The following SORCS1 variants were observed in gnomAD, a reference collection of about 807,000 sequenced individuals.
The protein encoded by SORCS1 is sortilin related VPS10 domain containing receptor 1.
Under a neutral mutation model 146.1 loss-of-function variants are expected in SORCS1, and 60 were observed. The ratio of observed to expected loss-of-function variants is 0.41; its 90% CI spans 0.33 to 0.51. The LOEUF (loss-of-function observed/expected upper bound fraction) is 0.51, where lower values mean the gene tolerates loss of function less well. Among genes scored for constraint, SORCS1 ranks in the 20% least tolerant of loss-of-function variants. The pLI is 0.21. For missense variants in SORCS1, 1,352 were observed against 1,487.6 expected (o/e 0.91, Z 1.50); for synonymous variants, 637 against 584.0 (o/e 1.09, Z -1.31).
chr10:106,695,463 A>G (rs1200967851), intron 9 of SORCS1, among the ~76,000 whole-genome samples: 1 of 152,210 alleles, frequency 6.6e-6, no homozygotes. Flanking sequence ...AAAATGTGAC[A>G]GTCTATAGTT....
chr10:106,857,314 T>C (rs1368847407), intron 2 of SORCS1, among the ~76,000 whole-genome samples: 1 of 152,116 alleles, frequency 6.6e-6, no homozygotes, highest in Non-Finnish European at 1.5e-5. Context: ...AGACGGAAGA[T>C]GCCTTATTTC....
At chr10:107,014,533 A>T (rs1313245382) in intron 1 of SORCS1, among the ~76,000 whole-genome samples, 2 of 152,196 alleles carry the variant, frequency 1.3e-5, no homozygotes, top group Admixed American at 1.3e-4. Context: ...GTCACAGCCA[A>T]AATGGAACCG....
At position 106,615,762 on chromosome 10, in the gene SORCS1, AACGAAGAG is replaced by A. The variant is rs1436047838; in HGVS notation, c.2920+2379_2920+2386del. 8.5e-5 allele frequency among the ~76,000 whole-genome samples: 13 copies of A among 152,336 alleles called. No homozygotes were observed. The East Asian group carries it at 2.5e-3, about 29-fold the overall frequency. ...GGAGGAGAACCTTGCCAAATCTCTT[AACGAAGAG>A]ACATATGATAACCTATTTTTATAAA... On this transcript the variant is annotated intron_variant, in intron 21 of 25. Coordinates refer to ENST00000263054, the MANE Select transcript of SORCS1 (RefSeq NM_052918.5).
chr10:106,675,209 C>G, intron 13 of SORCS1, 53 bp from the exon 14 acceptor site: 5 of 1,360,102 alleles, frequency 3.7e-6, no homozygotes, highest in Non-Finnish European at 4.2e-6. Flanking sequence ...AAAAAAATGT[C>G]ATTTCAAAGG....
In SORCS1 at chr10:106,671,335, T is replaced by C; in HGVS notation, c.2091A>G (p.Ile697Met). 2 of 1,614,144 alleles carry C rather than the reference T, an allele frequency of 1.2e-6. No homozygotes were observed. The highest frequency in any genetic ancestry group is 1.7e-6 in the Non-Finnish European group (2 of 1,179,992). ...GEACIMGAKR[I>M]YKKRKSERKC... is the part of the protein sequence containing the mutation. ...TCCGCTCTGATTTTCGCTTCTTATA[T>C]ATCCTTTTTGCTCCCATGATACATG... is the stretch of plus-strand genomic sequence containing the variant. Residue 697 changes from isoleucine (I) to methionine (M), a missense_variant, in exon 16 of 26, where the codon ATA (isoleucine) becomes ATG (methionine). By Grantham distance (10) the Ile-to-Met change is conservative (BLOSUM62 1). Coordinates refer to ENST00000263054, the MANE Select transcript of SORCS1 (RefSeq NM_052918.5).
chr10:106,883,477 C>T (rs548257840), intron 2 of SORCS1, among the ~76,000 whole-genome samples: 4 of 150,736 alleles, frequency 2.7e-5, no homozygotes, highest in Admixed American at 6.6e-5. Flanking sequence ...TGCAGTGGCA[C>T]GATCTCGGCT....
intron 24 of SORCS1, among the ~76,000 whole-genome samples, chr10:106,594,477 T>A (rs905168585): frequency 1.3e-5 from 2 of 152,130 alleles, no homozygotes; most frequent in Admixed American, 6.5e-5. Context: ...TCCAAAATGA[T>A]CTGAACCATC....
chr10:107,107,113 C>T (rs1027004751), intron 1 of SORCS1, among the ~76,000 whole-genome samples: 1 of 152,188 alleles, frequency 6.6e-6, no homozygotes, highest in African/African-American at 2.4e-5. Flanking sequence ...AAACACCTAA[C>T]AATGTCCAGG....
At chr10:107,037,375 C>T (rs76610059) in intron 1 of SORCS1, among the ~76,000 whole-genome samples, 8,142 of 152,290 alleles carry the variant, frequency 0.053, 556 homozygotes, top group African/African-American at 0.16. Context: ...CAGGCTACCG[C>T]AAGCTCCTGG....
intron 2 of SORCS1, among the ~76,000 whole-genome samples, chr10:106,837,030 A>G (rs951123965): frequency 1.3e-5 from 2 of 152,226 alleles, no homozygotes; most frequent in Non-Finnish European, 1.5e-5. Flanking sequence ...TGCCCAGTGC[A>G]ATGCCAATAC....
rs148538854 is a variant in SORCS1, at chr10:106,707,074, G to A, written c.1144-440C>T. 1.9e-3 allele frequency among the ~76,000 whole-genome samples: 283 copies of A among 152,214 alleles called. 2 individuals are homozygous for A. Among genetic ancestry groups the A allele is most frequent in the African/African-American group, 6.6e-3 (274 of 41,488 alleles). Reference sequence around the variant, plus strand: ...CTGGGCACTGAATTCCAGTTTGATGGTGTTACACTGATGATTATGGGCACA... The same window carrying A: ...CTGGGCACTGAATTCCAGTTTGATGATGTTACACTGATGATTATGGGCACA... On this transcript the variant is annotated intron_variant, in intron 7 of 25. Transcript: ENST00000263054.
chr10:106,766,164 G>T (rs1175103811), intron 4 of SORCS1, among the ~76,000 whole-genome samples: 1 of 152,158 alleles, frequency 6.6e-6, no homozygotes, highest in Non-Finnish European at 1.5e-5. Flanking sequence ...TCTTTTCAAG[G>T]TTGCCTGCCC....
chr10:107,129,208 G>T (rs34078404), intron 1 of SORCS1, among the ~76,000 whole-genome samples: 10 of 152,196 alleles, frequency 6.6e-5, no homozygotes, highest in Non-Finnish European at 1.2e-4. Flanking sequence ...ACAGCAAATA[G>T]ATATAAGCAA....
the SORCS1 span, among the ~76,000 whole-genome samples, chr10:107,180,711 G>C: frequency 6.6e-6 from 1 of 152,150 alleles, no homozygotes; most frequent in African/African-American, 2.4e-5. Context: ...CGTGAGATAA[G>C]AGTTTAGATT....
chr10:106,757,689 A>C (rs1041882120), intron 5 of SORCS1, among the ~76,000 whole-genome samples: 24 of 152,230 alleles, frequency 1.6e-4, no homozygotes, highest in Non-Finnish European at 3.1e-4. Flanking sequence ...CACTGTGGTC[A>C]AAAGAACTTT....
chr10:106,997,548 G>T (rs1957048934), intron 1 of SORCS1, among the ~76,000 whole-genome samples: 1 of 152,042 alleles, frequency 6.6e-6, no homozygotes, highest in South Asian at 2.1e-4. Context: ...CATCCACATA[G>T]AAGCCATGTT....
In SORCS1 at chr10:106,579,377, C is replaced by T. The variant is rs768682584; in HGVS notation, c.3363G>A (p.Lys1121=). ...FVGLAVFVIY[K]FKRRVALPSP... ...GATAGAGGGACACGCACCTTTTAAA[C>T]TTGTAGATGACGAACACTGCCAGCC... Residue 1121 remains lysine, a synonymous_variant, in exon 25 of 26, where the codon AAG becomes AAA. Coordinates refer to ENST00000263054, the MANE Select transcript of SORCS1 (RefSeq NM_052918.5). 62 of 1,613,864 alleles carry T rather than the reference C, an allele frequency of 3.8e-5. 2 individuals carry two copies. In the South Asian group the frequency reaches 6.7e-4, roughly 17 times the overall value.
chr10:106,802,586 C>A (rs933662628), intron 3 of SORCS1, among the ~76,000 whole-genome samples: 3 of 152,112 alleles, frequency 2.0e-5, no homozygotes, highest in Non-Finnish European at 4.4e-5. Context: ...GCAATCTCCG[C>A]CTCCCAGGTT....
chr10:106,701,830 G>C (rs1458747840), intron 8 of SORCS1, among the ~76,000 whole-genome samples: 1 of 152,158 alleles, frequency 6.6e-6, no homozygotes, highest in African/African-American at 2.4e-5. Flanking sequence ...AAGGATAATA[G>C]GTCCCCCATG....
Sources: gnomAD v4.1 joint callset for allele counts (sites outside exome capture counted in the v4.1 genomes callset) on GRCh38, gnomAD v4.1.1 for gene constraint, MANE v1.5 for transcripts, NCBI Gene and HGNC (gene_info 2026-07-23, HGNC 2026-07-21) for gene names.